The following POGLUT2 variants were observed in gnomAD, a reference collection of about 807,000 sequenced individuals.
POGLUT2 encodes protein O-glucosyltransferase 2, also known as ER protein 58.
POGLUT2 carries 47 observed loss-of-function variants against 57.6 expected under a neutral mutation model. The observed-to-expected ratio is 0.82, with a 90% confidence interval of 0.65 to 1.04. The LOEUF is 1.04. POGLUT2 is among the 50% of genes least tolerant of loss of function. The pLI, the probability that POGLUT2 is intolerant of heterozygous loss-of-function variation, is 0.00. For synonymous variants in POGLUT2, 200 were observed against 218.8 expected, an observed-to-expected ratio of 0.91 and a Z score of 0.76; for missense variants, 565 against 614.8, an observed-to-expected ratio of 0.92 and a Z score of 0.86.
chr13:102,790,870 CA>C (rs1304646075), intron 6 of POGLUT2, 30 bp downstream of exon 6: 3 of 1,416,994 alleles, frequency 2.1e-6, no homozygotes, highest in Admixed American at 1.7e-5. Context: ...ATTAGAAAAA[CA>C]AAAAAGATTA....
chr13:102,795,081 G>A (rs1286229555), intron 2 of POGLUT2, among the ~76,000 whole-genome samples: 7 of 151,028 alleles, frequency 4.6e-5, no homozygotes, highest in East Asian at 2.0e-4. Flanking sequence ...GTGAAACCCC[G>A]TCTCTACTAA....
chr13:102,796,580 T>C (rs140927405), intron 2 of POGLUT2, among the ~76,000 whole-genome samples: 1 of 150,710 alleles, frequency 6.6e-6, no homozygotes, highest in African/African-American at 2.4e-5. Context: ...ATATGTTCCT[T>C]GCTCTTTAGC....
Position 102,793,805 on chromosome 13 carries a change from C to A in POGLUT2, c.390G>T (p.Gly130=). 6.2e-7 allele frequency: 1 copy of A among 1,613,514 alleles called. No individual in the cohort carries two copies. Among genetic ancestry groups the A allele is most frequent in the African/African-American group, 1.3e-5 (1 of 75,034 alleles). Residue 130 remains glycine (G), a splice_region_variant and synonymous_variant, in exon 3 of 10, where the codon GGG becomes GGT. Transcript: ENST00000376004. ...HVAKSPYILK[G]PVYHENCDCP... is the part of the protein sequence containing the mutation. Reference sequence around the variant, plus strand: ...AGTCACAGTTCTCATGGTAAACCGGCCCTATTTACATAAGAATAACAAAGT... The same window carrying A: ...AGTCACAGTTCTCATGGTAAACCGGACCTATTTACATAAGAATAACAAAGT...
rs1437200502 is a variant in POGLUT2, at chr13:102,790,986, G to A, written c.998C>T (p.Ala333Val). Residue 333 changes from alanine to valine, a missense_variant, in exon 6 of 10, where the codon GCT becomes GTT. Physicochemically the swap from Ala to Val is moderately conservative, Grantham distance 64. Coordinates refer to ENST00000376004, the MANE Select transcript of POGLUT2 (RefSeq NM_024089.3). ...TTTAAAGAAGAAAAAGTTGGTGAAA[G>A]CAGCGTCTATGAGTTCTGGGTGTTT... The part of the protein sequence containing the change: ...SRKHPELIDA[A>V]FTNFFFFKHD... The A allele has an allele frequency of 1.2e-6, 2 of 1,613,988 alleles. No homozygotes were observed. The highest frequency in any genetic ancestry group is 1.7e-5 in the Admixed American group (1 of 59,992).
intron 7 of POGLUT2, 54 bp downstream of exon 7, chr13:102,788,958 A>G (rs1048283502): frequency 3.6e-6 from 5 of 1,395,016 alleles, no homozygotes; most frequent in Admixed American, 3.4e-5. Flanking sequence ...TTTCAAAAGG[A>G]CCCATGATAT....
intron 6 of POGLUT2, among the ~76,000 whole-genome samples, chr13:102,790,163 T>A (rs1281815210): frequency 6.6e-6 from 1 of 152,216 alleles, no homozygotes; most frequent in Non-Finnish European, 1.5e-5. Flanking sequence ...ACAATTCAAC[T>A]TTAACATTGA....
At chr13:102,796,024 T>C (rs1390422141) in intron 2 of POGLUT2, among the ~76,000 whole-genome samples, 1 of 151,828 alleles carries the variant, frequency 6.6e-6, no homozygotes, top group Non-Finnish European at 1.5e-5. Context: ...TGGCCGAGCA[T>C]GGTGGCTCAC....
rs111745447 is a variant in POGLUT2, at chr13:102,787,034, GTT to G, written c.1384-697_1384-696del. 4.7e-3 allele frequency among the ~76,000 whole-genome samples: 695 copies of G among 149,150 alleles called. 6 individuals carry two copies. The highest frequency in any genetic ancestry group is 0.016 in the African/African-American group (651 of 40,274). ...AAGAACTTGTTTACTACCTGATTTT[GTT>G]TTTTTTTTTTTGTTTGTTTATTTTT... On this transcript the variant is annotated intron_variant, in intron 8 of 9. Coordinates refer to ENST00000376004, the MANE Select transcript of POGLUT2 (RefSeq NM_024089.3).
At chr13:102,795,431 T>C (rs1878339413) in intron 2 of POGLUT2, among the ~76,000 whole-genome samples, 1 of 151,782 alleles carries the variant, frequency 6.6e-6, no homozygotes, top group Middle Eastern at 3.2e-3. Flanking sequence ...GGCATGGTGG[T>C]GAGTGCCTGT....
In POGLUT2 at chr13:102,784,533, A is replaced by G. The variant is rs139662663; in HGVS notation, c.1492-21T>C. 8.0e-5 allele frequency: 117 copies of G among 1,458,790 alleles called. No homozygotes were observed. In the East Asian group the frequency reaches 1.7e-3, roughly 22 times the overall value. The allele number at this position is 1,458,790 out of a possible 1,614,324, so 90.4% of individuals were successfully genotyped here. On this transcript the variant is annotated intron_variant, in intron 9 of 9. Transcript: ENST00000376004. ...TTGGTCTGCAATTAAGAAGCAAAAT[A>G]TTTAGAGCTATCAAGAAGTCTTACA...
At chr13:102,794,638 T>C (rs1040727979) in intron 2 of POGLUT2, among the ~76,000 whole-genome samples, 2 of 152,096 alleles carry the variant, frequency 1.3e-5, no homozygotes, top group Admixed American at 6.5e-5. Context: ...GTGCTCCAGC[T>C]TGGGGGACAG....
chr13:102,792,822 C>G (rs896045430), intron 4 of POGLUT2, among the ~76,000 whole-genome samples: 2 of 152,160 alleles, frequency 1.3e-5, no homozygotes, highest in African/African-American at 4.8e-5. Flanking sequence ...CAGGATCTCA[C>G]TCTTGTCACC....
intron 2 of POGLUT2, 120 bp downstream of exon 2, chr13:102,796,684 A>T (rs12865875): frequency 0.31 from 21,191 of 69,374 alleles, 1,391 homozygotes; most frequent in African/African-American, 0.38. Flanking sequence ...TTCTTTCAGT[A>T]AAAAAAAAAA....
At chr13:102,788,906 T>A in intron 7 of POGLUT2, 106 bp downstream of exon 7, 1 of 992,516 alleles carries the variant, frequency 1.0e-6, no homozygotes, top group South Asian at 1.4e-5. Context: ...CAGGCCAAAG[T>A]CTATTACGTG....
chr13:102,787,322 C>T (rs1473528649), intron 8 of POGLUT2, among the ~76,000 whole-genome samples: 1 of 152,160 alleles, frequency 6.6e-6, no homozygotes, highest in Non-Finnish European at 1.5e-5. Flanking sequence ...GCTGGGATTA[C>T]AGGTGTGAGC....
At chr13:102,784,579 T>C in intron 9 of POGLUT2, 67 bp from the exon 10 acceptor site, 1 of 943,264 alleles carries the variant, frequency 1.1e-6, no homozygotes, top group Non-Finnish European at 1.7e-6. Flanking sequence ...AGACTTACAT[T>C]CGTTAATTAT....
At chr13:102,788,860 T>G in intron 7 of POGLUT2, 152 bp downstream of exon 7, 1 of 707,724 alleles carries the variant, frequency 1.4e-6, no homozygotes, top group Non-Finnish European at 2.6e-6. Flanking sequence ...CTAGGGGAAC[T>G]GCCGTGCCAT....
chr13:102,797,586 A>AATAATAATAATAATAAT (rs556962242), intron 1 of POGLUT2, among the ~76,000 whole-genome samples: 1 of 151,858 alleles, frequency 6.6e-6, no homozygotes, highest in African/African-American at 2.4e-5. Context: ...ATAATAATAA[A>AATAATAATAATAATAAT]AAACAAATAG....
rs140448988 is a variant in POGLUT2 at position 102,797,130 on chromosome 13, GCTT to G, written c.183-124_183-122del. 2.0e-3 allele frequency: 1,301 copies of G among 645,448 alleles called. 6 individuals carry two copies. Among genetic ancestry groups the G allele is most frequent in the Middle Eastern group, 3.1e-3 (7 of 2,282 alleles). 40.0% of individuals were successfully genotyped at this position (645,448 alleles called of 1,614,324 possible). On this transcript the variant is annotated intron_variant, in intron 1 of 9. Transcript: ENST00000376004. ...CACATTCTTCCTCTAACATATGATT[GCTT>G]CTTCTTCTCTTATGCTTTTAGTACC... is the stretch of plus-strand genomic sequence containing the variant.
Sources: allele counts gnomAD v4.1 joint callset (sites outside exome capture counted in the v4.1 genomes callset), GRCh38; gene constraint gnomAD v4.1.1; transcripts MANE v1.5; gene names NCBI Gene and HGNC (gene_info 2026-07-23, HGNC 2026-07-21).